Variants in CASK observed in about 807,000 individuals in gnomAD.
CASK encodes the protein peripheral plasma membrane protein CASK.
A neutral mutation model predicts 82.9 loss-of-function variants in CASK; 4 were observed. That is an observed-to-expected ratio of 0.05 (90% CI 0.02 to 0.11). CASK has a LOEUF of 0.11. CASK is among the 10% of genes least tolerant of loss of function. The pLI, the probability that CASK is intolerant of heterozygous loss-of-function variation, is 1.00. For synonymous variants in CASK, 259 were observed against 253.5 expected (o/e 1.02, Z -0.20); for missense variants, 358 against 720.9 (o/e 0.50, Z 5.76).
intron 22 of CASK, among the ~76,000 whole-genome samples, chrX:41,542,066 G>A (rs2064952860): frequency 8.9e-6 from 1 of 112,106 alleles, no homozygotes; most frequent in Non-Finnish European, 1.9e-5. Context: ...GACTTAAGTT[G>A]AATACAAACT....
intron 2 of CASK, among the ~76,000 whole-genome samples, chrX:41,810,999 T>C (rs1316463999): frequency 1.8e-5 from 2 of 111,135 alleles, no homozygotes; most frequent in Non-Finnish European, 3.8e-5. Context: ...CATTACATAA[T>C]GGTAAAGGGA....
At chrX:41,732,963 C>T (rs886126013) in intron 5 of CASK, among the ~76,000 whole-genome samples, 1 of 108,987 alleles carries the variant, frequency 9.2e-6, no homozygotes. Flanking sequence ...GTCAGGAGTT[C>T]GAGATCAGCC....
At chrX:41,837,474 A>G (rs1405454449) in intron 2 of CASK, among the ~76,000 whole-genome samples, 1 of 111,227 alleles carries the variant, frequency 9.0e-6, no homozygotes, top group Non-Finnish European at 1.9e-5. Context: ...AGTCACACCC[A>G]CTCACCCATC....
chrX:41,871,518 AAAG>A (rs2071707856), intron 1 of CASK, among the ~76,000 whole-genome samples: 1 of 111,797 alleles, frequency 8.9e-6, no homozygotes, highest in Non-Finnish European at 1.9e-5. Context: ...AGAAAGACTG[AAAG>A]AAGACTGTAT....
At chrX:41,782,838 AG>A (rs2069505692) in intron 3 of CASK, among the ~76,000 whole-genome samples, 1 of 112,205 alleles carries the variant, frequency 8.9e-6, no homozygotes, top group Admixed American at 9.5e-5. Flanking sequence ...TACTTTATAT[AG>A]TATGTAAAAC....
chrX:41,829,586 G>T (rs1356090377), intron 2 of CASK, among the ~76,000 whole-genome samples: 1 of 68,119 alleles, frequency 1.5e-5, no homozygotes, highest in Admixed American at 2.0e-4. Flanking sequence ...TCTGCTAAAA[G>T]AATTCTTGTA....
At chrX:41,581,249 T>C (rs2147209714) in intron 14 of CASK, among the ~76,000 whole-genome samples, 1 of 110,359 alleles carries the variant, frequency 9.1e-6, no homozygotes, top group East Asian at 2.8e-4. Context: ...GGCATGGTGG[T>C]GCATGCCTGT....
chrX:41,781,459 C>T (rs1272924819), intron 3 of CASK, among the ~76,000 whole-genome samples: 1 of 112,373 alleles, frequency 8.9e-6, no homozygotes, highest in Non-Finnish European at 1.9e-5. Context: ...AAGTAGCCAA[C>T]AAACAACAAA....
chrX:41,582,520 G>A (rs990776463), intron 14 of CASK, among the ~76,000 whole-genome samples: 1 of 110,306 alleles, frequency 9.1e-6, no homozygotes, highest in Non-Finnish European at 1.9e-5. Context: ...TCACCATGTT[G>A]GCCAGGCTGG....
At chrX:41,698,416 C>G (rs997915236) in intron 5 of CASK, among the ~76,000 whole-genome samples, 1 of 111,788 alleles carries the variant, frequency 8.9e-6, no homozygotes, top group Non-Finnish European at 1.9e-5. Context: ...CGGTCTTAGT[C>G]TTGTTCGTCA....
At chrX:41,873,307 AGAG>A (rs1212255302) in intron 1 of CASK, among the ~76,000 whole-genome samples, 2 of 97,232 alleles carry the variant, frequency 2.1e-5, no homozygotes, top group African/African-American at 7.6e-5. Flanking sequence ...AAAAAAAAAA[AGAG>A]AGAGAGAGAG....
At chrX:41,769,750 C>A (rs1238904082) in intron 3 of CASK, among the ~76,000 whole-genome samples, 1 of 110,330 alleles carries the variant, frequency 9.1e-6, no homozygotes, top group African/African-American at 3.3e-5. Flanking sequence ...TCAAGACCAG[C>A]CTGGGAAACA....
At chrX:41,597,344 A>C (rs1246429183) in intron 12 of CASK, among the ~76,000 whole-genome samples, 1 of 112,676 alleles carries the variant, frequency 8.9e-6, no homozygotes, top group Non-Finnish European at 1.9e-5. Context: ...ATTGATGTTC[A>C]TTAGCAACCA....
intron 5 of CASK, among the ~76,000 whole-genome samples, chrX:41,705,360 C>G (rs2067867673): frequency 1.8e-5 from 2 of 110,836 alleles, no homozygotes; most frequent in African/African-American, 6.6e-5. Context: ...AGTTCCAGAC[C>G]AGCCTGGGCA....
chrX:41,728,570 C>G (rs900940727), intron 5 of CASK: 2 of 120,055 alleles, frequency 1.7e-5, no homozygotes, highest in Non-Finnish European at 1.9e-5. Context: ...ATGGTGAAAC[C>G]CTGTCTCTAC....
intron 16 of CASK, 75 bp downstream of exon 16, chrX:41,569,593 A>G (rs952586037): frequency 1.3e-5 from 10 of 764,151 alleles, no homozygotes; most frequent in Non-Finnish European, 1.8e-5. Flanking sequence ...CAAAACAAAC[A>G]AAAACATTTT....
At chrX:41,662,033 A>G (rs2067041782) in intron 7 of CASK, among the ~76,000 whole-genome samples, 1 of 111,610 alleles carries the variant, frequency 9.0e-6, no homozygotes, top group Non-Finnish European at 1.9e-5. Flanking sequence ...AGAGGTTTAG[A>G]AGGATACTCC....
chrX:41,672,411 C>T (rs745807855), intron 5 of CASK, among the ~76,000 whole-genome samples: 80 of 111,226 alleles, frequency 7.2e-4, no homozygotes, highest in Non-Finnish European at 1.4e-3. Flanking sequence ...AAACACTGTC[C>T]TCCCCAATAT....
chrX:41,810,791 T>C (rs1442712129), intron 2 of CASK, among the ~76,000 whole-genome samples: 10 of 111,577 alleles, frequency 9.0e-5, no homozygotes, highest in Non-Finnish European at 1.1e-4. Flanking sequence ...GACTGGCAAA[T>C]TGGATAAAGA....
Sources: gnomAD v4.1 joint callset for allele counts (sites outside exome capture counted in the v4.1 genomes callset) on GRCh38, gnomAD v4.1.1 for gene constraint, MANE v1.5 for transcripts, NCBI Gene and HGNC (gene_info 2026-07-23, HGNC 2026-07-21) for gene names.